Variants in MCPH1 observed in about 807,000 individuals in gnomAD.
MCPH1 encodes microcephalin.
A neutral mutation model predicts 84.5 loss-of-function variants in MCPH1; 104 were observed. The ratio of observed to expected loss-of-function variants is 1.23; its 90% CI spans 1.05 to 1.45. MCPH1 has a LOEUF of 1.45. Among genes scored for constraint, MCPH1 ranks in the 40% most tolerant of loss-of-function variants. The probability of loss-of-function intolerance (pLI) is 0.00; values close to 1 mark genes in which losing one functional copy is unlikely to be tolerated. For missense variants in MCPH1, 1,498 were observed against 1,005.7 expected (o/e 1.49, Z -6.62); for synonymous variants, 514 against 366.8 (o/e 1.40, Z -4.58).
intron 13 of MCPH1, chr8:6,625,817 C>A (rs1376086153): frequency 4.1e-6 from 4 of 985,062 alleles, no homozygotes; most frequent in Non-Finnish European, 4.8e-6. Flanking sequence ...TTTTTCAGTG[C>A]CTTTATATTG....
intron 12 of MCPH1, among the ~76,000 whole-genome samples, chr8:6,539,314 G>A (rs1370481384): frequency 6.6e-6 from 1 of 152,220 alleles, no homozygotes; most frequent in Non-Finnish European, 1.5e-5. Flanking sequence ...CCATGCCAAA[G>A]CTACTTGCCA....
At chr8:6,431,890 A>T (rs954150760) in intron 4 of MCPH1, among the ~76,000 whole-genome samples, 2 of 152,258 alleles carry the variant, frequency 1.3e-5, no homozygotes, top group East Asian at 3.8e-4. Context: ...GAAGTTTGTT[A>T]TATCTGTAGC....
intron 12 of MCPH1, among the ~76,000 whole-genome samples, chr8:6,581,708 A>G (rs1238715240): frequency 1.3e-5 from 2 of 152,338 alleles, no homozygotes; most frequent in East Asian, 1.9e-4. Context: ...CTCAACTGCT[A>G]TCTTAATGTG....
At chr8:6,406,814 C>T in intron 1 of MCPH1, 125 bp downstream of exon 1, 1 of 1,035,018 alleles carries the variant, frequency 9.7e-7, no homozygotes, top group East Asian at 2.6e-5. Flanking sequence ...GCCTGTCTCC[C>T]CCAGACCCCC....
At chr8:6,515,137 G>A (rs1383452257) in intron 12 of MCPH1, among the ~76,000 whole-genome samples, 3 of 152,006 alleles carry the variant, frequency 2.0e-5, no homozygotes, top group East Asian at 3.9e-4. Flanking sequence ...GATTGGCCCC[G>A]AACCCCACAT....
At chr8:6,504,879 C>T (rs1812968194) in intron 12 of MCPH1, among the ~76,000 whole-genome samples, 1 of 152,032 alleles carries the variant, frequency 6.6e-6, no homozygotes, top group Admixed American at 6.6e-5. Context: ...ATTTGCTGGA[C>T]ATCTTGGAAT....
chr8:6,642,953 G>A, intron 13 of MCPH1, 41 bp from the exon 14 acceptor site: 2 of 1,576,506 alleles, frequency 1.3e-6, no homozygotes, highest in Middle Eastern at 1.7e-4. Flanking sequence ...CTATGTGGCT[G>A]GCTATTATGA....
In MCPH1 at chr8:6,499,777, T is replaced by A. The variant is rs546911953; in HGVS notation, c.2137-75T>A. On this transcript the variant is annotated intron_variant, in intron 11 of 13. Coordinates refer to ENST00000344683, the MANE Select transcript of MCPH1 (RefSeq NM_024596.5). ...GAGTGTATCACTTTTTGCTGTGTCT[T>A]CAAAGTGATTCTTGGTTTATTGCCT... The A allele has an allele frequency of 2.4e-4, 323 of 1,354,320 alleles. 1 individual carries two copies. The African/African-American group carries it at 3.1e-3, about 13-fold the overall frequency. The allele number at this position is 1,354,320 out of a possible 1,614,324, so 83.9% of individuals were successfully genotyped here. A position where few individuals can be genotyped will look rare whatever the true frequency, so the allele number is the denominator to read the frequency against.
intron 5 of MCPH1, among the ~76,000 whole-genome samples, chr8:6,437,096 A>C (rs1374323274): frequency 1.3e-5 from 2 of 152,212 alleles, no homozygotes; most frequent in African/African-American, 2.4e-5. Flanking sequence ...GCTACAGATA[A>C]GCAATTATGG....
intron 3 of MCPH1, among the ~76,000 whole-genome samples, chr8:6,422,491 C>T (rs1253102488): frequency 6.6e-6 from 1 of 152,064 alleles, no homozygotes; most frequent in Non-Finnish European, 1.5e-5. Flanking sequence ...CTCAGCTAAC[C>T]CTACAATGGG....
At chr8:6,408,453 C>T (rs1405850276) in intron 1 of MCPH1, among the ~76,000 whole-genome samples, 1 of 152,088 alleles carries the variant, frequency 6.6e-6, no homozygotes, top group African/African-American at 2.4e-5. Context: ...AATTCCTAGC[C>T]TCAAGCAATC....
intron 12 of MCPH1, among the ~76,000 whole-genome samples, chr8:6,541,125 G>C (rs896065673): frequency 2.6e-5 from 4 of 152,238 alleles, no homozygotes; most frequent in Non-Finnish European, 5.9e-5. Flanking sequence ...GGCAAGGCCT[G>C]TCTCTGAGAT....
At chr8:6,428,325 T>A (rs985118079) in intron 3 of MCPH1, among the ~76,000 whole-genome samples, 1 of 152,178 alleles carries the variant, frequency 6.6e-6, no homozygotes, top group East Asian at 1.9e-4. Flanking sequence ...GGAACATCAG[T>A]ATGTCGCTAG....
chr8:6,611,231 T>TGTC (rs1383844167), intron 12 of MCPH1, among the ~76,000 whole-genome samples: 1 of 152,118 alleles, frequency 6.6e-6, no homozygotes, highest in Non-Finnish European at 1.5e-5. Flanking sequence ...ACCAGCTGAG[T>TGTC]GTCCTACAAT....
intron 9 of MCPH1, among the ~76,000 whole-genome samples, chr8:6,476,189 G>A (rs1808426866): frequency 6.6e-6 from 1 of 152,080 alleles, no homozygotes; most frequent in Non-Finnish European, 1.5e-5. Context: ...AGCACTTTGG[G>A]AGGCCGAGGT....
chr8:6,639,234 T>C (rs17633045), intron 13 of MCPH1, among the ~76,000 whole-genome samples: 10,040 of 152,236 alleles, frequency 0.066, 413 homozygotes, highest in Middle Eastern at 0.14. Context: ...GATGGAGTGA[T>C]ATTTGATTTC....
intron 12 of MCPH1, among the ~76,000 whole-genome samples, chr8:6,506,427 G>C (rs905851244): frequency 6.6e-6 from 1 of 152,018 alleles, no homozygotes; most frequent in Non-Finnish European, 1.5e-5. Flanking sequence ...ATCTTGATTT[G>C]CCTAAGTAAA....
chr8:6,441,053 A>G (rs1287346265), intron 6 of MCPH1, among the ~76,000 whole-genome samples: 1 of 152,180 alleles, frequency 6.6e-6, no homozygotes, highest in Non-Finnish European at 1.5e-5. Flanking sequence ...CGTCTATCCA[A>G]TATTCCTGTC....
At chr8:6,564,137 A>G (rs1187962204) in intron 12 of MCPH1, among the ~76,000 whole-genome samples, 1 of 152,004 alleles carries the variant, frequency 6.6e-6, no homozygotes, top group Admixed American at 6.6e-5. Context: ...AAACGCCACC[A>G]CACCCGGCTA....
Sources: allele counts gnomAD v4.1 joint callset (sites outside exome capture counted in the v4.1 genomes callset), GRCh38; gene constraint gnomAD v4.1.1; transcripts MANE v1.5; gene names NCBI Gene and HGNC (gene_info 2026-07-23, HGNC 2026-07-21).